The following SORCS1 variants were observed in gnomAD, a reference collection of about 807,000 sequenced individuals.
The protein encoded by SORCS1 is sortilin related VPS10 domain containing receptor 1.
A neutral mutation model predicts 146.1 loss-of-function variants in SORCS1; 60 were observed. The ratio of observed to expected loss-of-function variants is 0.41; its 90% confidence interval spans 0.33 to 0.51. SORCS1 has a LOEUF of 0.51. Among genes scored for constraint, SORCS1 ranks in the 20% least tolerant of loss-of-function variants. SORCS1 has a pLI of 0.21. For synonymous variants in SORCS1, 637 were observed against 584.0 expected, an observed-to-expected ratio of 1.09 and a Z score of -1.31; for missense variants, 1,352 against 1,487.6, an observed-to-expected ratio of 0.91 and a Z score of 1.50.
intron 1 of SORCS1, among the ~76,000 whole-genome samples, chr10:107,073,204 A>C (rs1962590162): frequency 6.6e-6 from 1 of 152,230 alleles, no homozygotes; most frequent in South Asian, 2.1e-4. Context: ...AGGTGGAAAG[A>C]CCATGAATAA....
intron 4 of SORCS1, among the ~76,000 whole-genome samples, chr10:106,762,170 C>G (rs1321609883): frequency 6.6e-6 from 1 of 152,132 alleles, no homozygotes; most frequent in East Asian, 1.9e-4. Flanking sequence ...TGTGGTGAAA[C>G]AGCTGGGACC....
At position 107,116,631 on chromosome 10, in the gene SORCS1, G is replaced by C. The variant is rs11193204; in HGVS notation, c.558+47338C>G. ...AGAATCACACTCATAGAAACAGGAA[G>C]TTACCAGGGACTAGGGGATGCAAGA... On this transcript the variant is annotated intron_variant, in intron 1 of 25. Transcript: ENST00000263054. 6.2e-3 allele frequency among the ~76,000 whole-genome samples: 949 copies of C among 152,212 alleles called. 6 individuals are homozygous for C. The highest frequency in any genetic ancestry group is 0.011 in the Non-Finnish European group (724 of 67,974).
At chr10:107,037,598 A>T (rs777393276) in intron 1 of SORCS1, among the ~76,000 whole-genome samples, 24 of 152,228 alleles carry the variant, frequency 1.6e-4, no homozygotes, top group Non-Finnish European at 2.6e-4. Context: ...AAAATTGTGG[A>T]GAAACTTGGT....
intron 1 of SORCS1, among the ~76,000 whole-genome samples, chr10:107,147,254 G>T (rs933578229): frequency 6.6e-6 from 1 of 152,080 alleles, no homozygotes; most frequent in Non-Finnish European, 1.5e-5. Flanking sequence ...TTTTTCAAAC[G>T]TTCTTGCCCT....
At chr10:106,670,263 G>A (rs546017630) in intron 16 of SORCS1, among the ~76,000 whole-genome samples, 36 of 152,112 alleles carry the variant, frequency 2.4e-4, no homozygotes, top group Non-Finnish European at 4.7e-4. Context: ...ACAAGCCAAG[G>A]GCTTCACAGT....
At position 106,656,474 on chromosome 10, in the gene SORCS1, T is replaced by C. The variant is rs368045508; in HGVS notation, c.2304-3921A>G. Among the ~76,000 whole-genome samples, 204 of 152,228 alleles carry C rather than the reference T, an allele frequency of 1.3e-3. 1 individual carries two copies. The highest frequency in any genetic ancestry group is 4.5e-3 in the African/African-American group (185 of 41,552). ...GGGAGGCTGAGGCAGGAGAATGGTGTGAACCTGGGAGGCGGAGCTTGCAGT... is the reference window on the plus strand; with the variant it reads ...GGGAGGCTGAGGCAGGAGAATGGTGCGAACCTGGGAGGCGGAGCTTGCAGT... On this transcript the variant is annotated intron_variant, in intron 17 of 25. Transcript: ENST00000263054.
chr10:106,671,076 C>T (rs888810574), intron 16 of SORCS1, among the ~76,000 whole-genome samples, 161 bp downstream of exon 16: 14 of 152,178 alleles, frequency 9.2e-5, no homozygotes, highest in African/African-American at 3.1e-4. Context: ...ATCCCACATA[C>T]ACATACACAT....
intron 1 of SORCS1, among the ~76,000 whole-genome samples, chr10:107,085,960 T>C (rs948998675): frequency 2.6e-5 from 4 of 152,216 alleles, no homozygotes; most frequent in Admixed American, 6.5e-5. Context: ...CCAAGCCGTA[T>C]TGTTGAAAAG....
At chr10:106,936,951 C>T (rs1289488770) in intron 2 of SORCS1, among the ~76,000 whole-genome samples, 2 of 152,182 alleles carry the variant, frequency 1.3e-5, no homozygotes. Context: ...TAATCTTAAA[C>T]TAGCATATAT....
At chr10:106,815,432 C>T (rs113700765) in intron 3 of SORCS1, among the ~76,000 whole-genome samples, 36 of 152,248 alleles carry the variant, frequency 2.4e-4, no homozygotes, top group African/African-American at 6.5e-4. Context: ...GTAATTCCCC[C>T]AAGTTAGGTA....
intron 1 of SORCS1, among the ~76,000 whole-genome samples, chr10:107,061,554 T>C (rs768890104): frequency 6.6e-6 from 1 of 152,162 alleles, no homozygotes; most frequent in African/African-American, 2.4e-5. Context: ...AAAGCCAACA[T>C]TCTTCCCTTT....
chr10:106,705,987 G>A (rs573079728), intron 8 of SORCS1, among the ~76,000 whole-genome samples: 1 of 152,212 alleles, frequency 6.6e-6, no homozygotes, highest in South Asian at 2.1e-4. Context: ...GCCACGTCAC[G>A]GCATCACTGC....
rs574043310 is a variant in SORCS1, at chr10:107,155,699, G to A, written c.558+8270C>T. Among the ~76,000 whole-genome samples, 6 of 152,062 alleles carry A rather than the reference G, an allele frequency of 3.9e-5. 2 individuals carry two copies. The highest frequency in any genetic ancestry group is 9.6e-5 in the African/African-American group (4 of 41,466). On this transcript the variant is annotated intron_variant, in intron 1 of 25. Transcript: ENST00000263054. ...TGCCCCACCGACCCATCCACCACCC[G>A]GCCCCAAACCACCAAAGGCCCTGCA...
In SORCS1 at chr10:106,576,487, T is replaced by C. The variant is rs1844584083; in HGVS notation, c.*933A>G. 1.3e-5 allele frequency: 2 copies of C among 152,254 alleles called. No individual in the cohort carries two copies. The allele number at this position is 152,254 out of a possible 1,614,324, so 9.4% of individuals were successfully genotyped here. A position where few individuals can be genotyped will look rare whatever the true frequency, so the allele number is the denominator to read the frequency against. ...TGAAGACAGGACAATGGGTAACTAA[T>C]GGGATTCCATTTCCTACTGCAGTTG... is the stretch of plus-strand genomic sequence containing the variant. On this transcript the variant is annotated 3_prime_UTR_variant, in exon 26 of 26. Coordinates refer to ENST00000263054, the MANE Select transcript of SORCS1 (RefSeq NM_052918.5).
At chr10:106,945,780 G>T (rs1383677980) in intron 2 of SORCS1, among the ~76,000 whole-genome samples, 2 of 152,192 alleles carry the variant, frequency 1.3e-5, no homozygotes, top group African/African-American at 4.8e-5. Flanking sequence ...GGGGAACTCA[G>T]CAGGGTGTCA....
chr10:106,708,838 C>T (rs1303640617), intron 7 of SORCS1, among the ~76,000 whole-genome samples: 1 of 152,136 alleles, frequency 6.6e-6, no homozygotes, highest in African/African-American at 2.4e-5. Flanking sequence ...GACCCTTTCC[C>T]AGATAGAAAG....
intron 2 of SORCS1, among the ~76,000 whole-genome samples, chr10:106,917,022 C>T (rs370196131): frequency 2.0e-5 from 3 of 152,190 alleles, no homozygotes; most frequent in African/African-American, 4.8e-5. Context: ...GGATTATAGG[C>T]GTGAGCCACC....
chr10:106,701,603 GA>G (rs1854145018), intron 8 of SORCS1, among the ~76,000 whole-genome samples: 1 of 152,216 alleles, frequency 6.6e-6, no homozygotes. Context: ...CGGATGGAGA[GA>G]GATGGCCCAA....
intron 1 of SORCS1, among the ~76,000 whole-genome samples, chr10:107,130,030 A>G (rs551818204): frequency 2.0e-5 from 3 of 152,230 alleles, no homozygotes; most frequent in Non-Finnish European, 4.4e-5. Context: ...CAAGTTTTCT[A>G]TATATTCTAG....
Sources: gnomAD v4.1 joint callset for allele counts (sites outside exome capture counted in the v4.1 genomes callset) on GRCh38, gnomAD v4.1.1 for gene constraint, MANE v1.5 for transcripts, NCBI Gene and HGNC (gene_info 2026-07-23, HGNC 2026-07-21) for gene names.